The following PRKCE variants were observed in gnomAD, a reference collection of about 807,000 sequenced individuals.
PRKCE encodes protein kinase C epsilon.
A neutral mutation model predicts 85.4 loss-of-function variants in PRKCE; 16 were observed. The observed-to-expected ratio is 0.19, with a 90% CI of 0.13 to 0.28. The LOEUF (loss-of-function observed/expected upper bound fraction) is 0.28. Ranked by LOEUF, PRKCE falls within the 10% of genes least tolerant of loss-of-function variation. The pLI, the probability that PRKCE is intolerant of heterozygous loss-of-function variation, is 1.00. For synonymous variants in PRKCE, 388 were observed against 371.5 expected, an observed-to-expected ratio of 1.04 and a Z score of -0.51; for missense variants, 573 against 975.2, an observed-to-expected ratio of 0.59 and a Z score of 5.49.
At chr2:45,676,365 C>G (rs1558544756) in intron 1 of PRKCE, among the ~76,000 whole-genome samples, 1 of 152,194 alleles carries the variant, frequency 6.6e-6, no homozygotes, top group Admixed American at 6.5e-5. Flanking sequence ...ATCTTTTAAA[C>G]TGAAACCAGT....
intron 1 of PRKCE, among the ~76,000 whole-genome samples, chr2:45,670,509 G>C (rs1472085237): frequency 6.6e-6 from 1 of 152,088 alleles, no homozygotes; most frequent in Non-Finnish European, 1.5e-5. Flanking sequence ...TCCTATTTCA[G>C]TTTTATTTAT....
chr2:45,986,195 G>A (rs1421987971), intron 6 of PRKCE, among the ~76,000 whole-genome samples: 1 of 152,232 alleles, frequency 6.6e-6, no homozygotes, highest in African/African-American at 2.4e-5. Flanking sequence ...TTTAAGATAA[G>A]ACACGAAACA....
At chr2:45,990,495 C>T (rs1476920193) in intron 6 of PRKCE, among the ~76,000 whole-genome samples, 4 of 152,280 alleles carry the variant, frequency 2.6e-5, no homozygotes, top group African/African-American at 2.4e-5. Flanking sequence ...ACCTGCACCT[C>T]CCCATCCACA....
chr2:45,975,607 T>C (rs559505585), intron 2 of PRKCE, among the ~76,000 whole-genome samples: 36 of 152,182 alleles, frequency 2.4e-4, no homozygotes, highest in Non-Finnish European at 4.6e-4. Context: ...GACTTTAATG[T>C]ATTAATTTTG....
chr2:46,168,694 A>G (rs1272855682), intron 14 of PRKCE, among the ~76,000 whole-genome samples: 1 of 152,182 alleles, frequency 6.6e-6, no homozygotes, highest in African/African-American at 2.4e-5. Context: ...CAGTAGGGTA[A>G]AATCCGGCAC....
Position 45,980,288 on chromosome 2 carries a change from A to C in PRKCE, c.608-8A>C, listed in dbSNP as rs755868422. ...GTCATTCAGCCTTCCTGTCTTTGCT[A>C]TTTGCAGTCTGCACCTGCGTGGTCC... On this transcript the variant is annotated splice_polypyrimidine_tract_variant and splice_region_variant and intron_variant, in intron 4 of 14. Transcript: ENST00000306156. The C allele has an allele frequency of 1.3e-6, 2 of 1,599,334 alleles. No homozygotes were observed. The highest frequency in any genetic ancestry group is 2.7e-5 in the African/African-American group (2 of 74,892).
intron 6 of PRKCE, among the ~76,000 whole-genome samples, chr2:45,997,184 TTG>T (rs1704287627): frequency 1.3e-5 from 2 of 152,168 alleles, no homozygotes; most frequent in South Asian, 4.1e-4. Context: ...TATTAATAAT[TTG>T]TGTCTTCTCT....
At chr2:45,972,601 A>G (rs913050939) in intron 2 of PRKCE, among the ~76,000 whole-genome samples, 2 of 152,198 alleles carry the variant, frequency 1.3e-5, no homozygotes, top group African/African-American at 4.8e-5. Context: ...TTCAGTGTTT[A>G]CATTTAAGTA....
At chr2:45,879,612 G>C (rs1353015333) in intron 2 of PRKCE, among the ~76,000 whole-genome samples, 1 of 152,234 alleles carries the variant, frequency 6.6e-6, no homozygotes, top group Non-Finnish European at 1.5e-5. Flanking sequence ...CCCGAGTGGA[G>C]TTTTGCTCCT....
chr2:45,707,668 C>T (rs944410064), intron 1 of PRKCE, among the ~76,000 whole-genome samples: 2 of 152,236 alleles, frequency 1.3e-5, no homozygotes, highest in Non-Finnish European at 2.9e-5. Flanking sequence ...TGAGGATCTG[C>T]ACTGGGGGAG....
chr2:46,139,717 TACATATAC>T lies in PRKCE; in HGVS notation c.1593-5374_1593-5367del, dbSNP rs1249284258. On this transcript the variant is annotated intron_variant, in intron 11 of 14. Transcript: ENST00000306156. This position sits in a 1 kb window ranked among gnomAD's most constrained non-coding sequence, Gnocchi z 5.2. ...ATGTGTGTGTATATATATACATATA[TACATATAC>T]ATATATATCTAGAGAGAGAGAGAGA... Among the ~76,000 whole-genome samples the T allele has an allele frequency of 1.3e-5, 2 of 151,446 alleles. No homozygotes were observed. The highest frequency in any genetic ancestry group is 4.9e-5 in the African/African-American group (2 of 41,202).
At chr2:46,177,056 G>A (rs1388847137) in intron 14 of PRKCE, among the ~76,000 whole-genome samples, 1 of 152,150 alleles carries the variant, frequency 6.6e-6, no homozygotes. Context: ...TGGTGATCTT[G>A]ACAGGCTAGA....
At chr2:45,856,811 T>G (rs1325740573) in intron 2 of PRKCE, among the ~76,000 whole-genome samples, 1 of 152,220 alleles carries the variant, frequency 6.6e-6, no homozygotes, top group African/African-American at 2.4e-5. Flanking sequence ...AGTGTTTGTC[T>G]TTCTGTGCCT....
intron 10 of PRKCE, among the ~76,000 whole-genome samples, chr2:46,024,407 AGGAAGGATCATGGGC>A (rs1190385668): frequency 1.3e-5 from 2 of 151,772 alleles, no homozygotes; most frequent in African/African-American, 4.8e-5. Flanking sequence ...GGAGAATGCC[AGGAAGGATCATGGGC>A]AAAAAGAATT....
chr2:46,055,543 C>A (rs1666492942), intron 10 of PRKCE, among the ~76,000 whole-genome samples: 1 of 152,208 alleles, frequency 6.6e-6, no homozygotes, highest in South Asian at 2.1e-4. Context: ...TTGTCTATAA[C>A]TTTGATTCTT....
intron 10 of PRKCE, among the ~76,000 whole-genome samples, chr2:46,042,714 A>G (rs940583754): frequency 1.2e-4 from 18 of 152,222 alleles, no homozygotes; most frequent in Admixed American, 8.5e-4. Context: ...CCATGTTACA[A>G]AACACCAGAG....
intron 1 of PRKCE, among the ~76,000 whole-genome samples, chr2:45,738,062 C>A (rs918994008): frequency 1.3e-5 from 2 of 152,142 alleles, no homozygotes; most frequent in Admixed American, 6.5e-5. Flanking sequence ...CTGCTGCAGG[C>A]GACGCAAACC....
intron 11 of PRKCE, among the ~76,000 whole-genome samples, chr2:46,133,779 T>C (rs1436000599): frequency 6.6e-6 from 1 of 152,212 alleles, no homozygotes; most frequent in African/African-American, 2.4e-5. Flanking sequence ...TCTGTTCTCC[T>C]GGAGTTCATG....
At chr2:46,104,272 T>A (rs905225826) in intron 11 of PRKCE, among the ~76,000 whole-genome samples, 12 of 149,856 alleles carry the variant, frequency 8.0e-5, no homozygotes, top group African/African-American at 2.9e-4. Context: ...CCAAGATCCC[T>A]ATCTTGAAAC....
Sources: gnomAD v4.1 joint callset for allele counts (sites outside exome capture counted in the v4.1 genomes callset) on GRCh38, gnomAD v4.1.1 for gene constraint, Gnocchi (gnomAD v3.1) non-coding constraint, MANE v1.5 for transcripts, NCBI Gene and HGNC (gene_info 2026-07-23, HGNC 2026-07-21) for gene names.